COL25A1: variants seen among roughly 807,000 people sequenced by gnomAD.
The protein encoded by COL25A1 is collagen alpha-1(XXV) chain.
Under a neutral mutation model 128.4 loss-of-function variants are expected in COL25A1, and 103 were observed. The ratio of observed to expected loss-of-function variants is 0.80; its 90% CI spans 0.68 to 0.94. COL25A1 has a LOEUF of 0.94. Ranked by LOEUF, COL25A1 falls within the 40% of genes least tolerant of loss-of-function variation. The pLI is 0.00. For synonymous variants in COL25A1, 279 were observed against 277.2 expected, an observed-to-expected ratio of 1.01 and a Z score of -0.06; for missense variants, 745 against 840.0, an observed-to-expected ratio of 0.89 and a Z score of 1.40.
chr4:108,869,697 T>C (rs1738464664), intron 19 of COL25A1, among the ~76,000 whole-genome samples: 1 of 152,170 alleles, frequency 6.6e-6, no homozygotes, highest in Non-Finnish European at 1.5e-5. Context: ...AGCTTGACTA[T>C]CCATAAAGTT....
At chr4:109,225,958 T>C (rs2072089090) in intron 3 of COL25A1, among the ~76,000 whole-genome samples, 1 of 151,512 alleles carries the variant, frequency 6.6e-6, no homozygotes, top group South Asian at 2.1e-4. Flanking sequence ...ATGCATACTA[T>C]TGTAATGAAA....
intron 6 of COL25A1, among the ~76,000 whole-genome samples, chr4:108,978,549 T>A (rs1312146011): frequency 2.6e-5 from 4 of 152,064 alleles, no homozygotes; most frequent in East Asian, 3.9e-4. Context: ...AATTTTTTTT[T>A]ATCTTTAGCA....
intron 3 of COL25A1, among the ~76,000 whole-genome samples, chr4:109,065,532 ACGCGCG>A (rs560432083): frequency 7.9e-6 from 1 of 126,524 alleles, no homozygotes; most frequent in African/African-American, 3.0e-5. Context: ...TTGGTGCAGC[ACGCGCG>A]CGCGCGCGTG....
intron 3 of COL25A1, among the ~76,000 whole-genome samples, chr4:109,201,798 A>G (rs1035733880): frequency 3.9e-5 from 6 of 152,228 alleles, no homozygotes; most frequent in Non-Finnish European, 8.8e-5. Flanking sequence ...TGCAGGATAT[A>G]AAGTTAAAAT....
At chr4:109,120,537 G>A (rs1183196636) in intron 3 of COL25A1, among the ~76,000 whole-genome samples, 1 of 152,022 alleles carries the variant, frequency 6.6e-6, no homozygotes, top group Admixed American at 6.6e-5. Flanking sequence ...AGCCAGGTGT[G>A]GTGGCTCATA....
At chr4:108,987,508 G>A (rs763020586) in intron 6 of COL25A1, among the ~76,000 whole-genome samples, 19 of 152,040 alleles carry the variant, frequency 1.2e-4, no homozygotes, top group Non-Finnish European at 2.4e-4. Flanking sequence ...CCGGGTAGCC[G>A]GGATTACAGA....
intron 3 of COL25A1, among the ~76,000 whole-genome samples, chr4:109,222,547 C>A (rs1778502767): frequency 6.6e-6 from 1 of 152,078 alleles, no homozygotes; most frequent in Admixed American, 6.5e-5. Flanking sequence ...TTTTAGTAAT[C>A]AATTTTAATA....
At chr4:108,871,459 GCGCCCGCCACTA>G (rs1179703923) in intron 19 of COL25A1, among the ~76,000 whole-genome samples, 31 of 151,814 alleles carry the variant, frequency 2.0e-4, no homozygotes, top group Non-Finnish European at 4.6e-4. Context: ...GGGACTACAG[GCGCCCGCCACTA>G]CGCCCGGCTA....
At chr4:108,877,982 G>T (rs1739662281) in intron 19 of COL25A1, among the ~76,000 whole-genome samples, 1 of 152,108 alleles carries the variant, frequency 6.6e-6, no homozygotes, top group South Asian at 2.1e-4. Flanking sequence ...ATAATGATGA[G>T]AAGAATCAAC....
chr4:109,159,390 C>T (rs183560773), intron 3 of COL25A1, among the ~76,000 whole-genome samples: 89 of 151,978 alleles, frequency 5.9e-4, no homozygotes, highest in African/African-American at 2.0e-3. Context: ...AAAAAGGTAA[C>T]GTATATGGGC....
intron 3 of COL25A1, among the ~76,000 whole-genome samples, chr4:109,182,975 A>C (rs1041270942): frequency 6.6e-5 from 10 of 152,030 alleles, no homozygotes; most frequent in Middle Eastern, 3.2e-3. Flanking sequence ...CTTTATCAAA[A>C]TCCTTTTTGT....
chr4:109,020,429 A>T (rs1359440275), intron 5 of COL25A1, among the ~76,000 whole-genome samples: 1 of 148,790 alleles, frequency 6.7e-6, no homozygotes, highest in Non-Finnish European at 1.5e-5. Context: ...TAAGTGGTTC[A>T]TCTAAAACCT....
At chr4:109,108,360 T>C (rs1035758933) in intron 3 of COL25A1, among the ~76,000 whole-genome samples, 2 of 152,096 alleles carry the variant, frequency 1.3e-5, no homozygotes, top group African/African-American at 4.8e-5. Flanking sequence ...GGACATGAAC[T>C]CATCATTTTT....
intron 3 of COL25A1, among the ~76,000 whole-genome samples, chr4:109,154,536 G>A (rs1468556157): frequency 6.6e-6 from 1 of 152,206 alleles, no homozygotes; most frequent in South Asian, 2.1e-4. Context: ...TGGTGTGACT[G>A]TTGGGTCAGG....
chr4:109,233,134 G>T (rs528724396), intron 3 of COL25A1, among the ~76,000 whole-genome samples: 38 of 152,190 alleles, frequency 2.5e-4, no homozygotes, highest in African/African-American at 9.1e-4. Flanking sequence ...ACCTGGGGTT[G>T]TTTTTATTTC....
intron 13 of COL25A1, among the ~76,000 whole-genome samples, chr4:108,901,740 C>A (rs1488072291): frequency 6.6e-6 from 1 of 152,032 alleles, no homozygotes; most frequent in Non-Finnish European, 1.5e-5. Flanking sequence ...ATAAAACATT[C>A]AGACTTATGG....
rs748778363 is a variant in COL25A1, at chr4:108,955,134, T to C, written c.493-13697A>G. On this transcript the variant is annotated intron_variant, in intron 8 of 37. Transcript: ENST00000399132. ...TATGTCTGTCATGTCATTATTAAAA[T>C]TGAATTGCTTATTTTCACATAAGGG... Among the ~76,000 whole-genome samples, 4 of 152,194 alleles carry C rather than the reference T, an allele frequency of 2.6e-5. No homozygotes were observed. In the East Asian group the frequency reaches 5.8e-4, roughly 22 times the overall value.
chr4:109,204,412 C>T (rs565163848), intron 3 of COL25A1, among the ~76,000 whole-genome samples: 7 of 152,120 alleles, frequency 4.6e-5, no homozygotes, highest in Admixed American at 3.3e-4. Context: ...AGCTCTTTTC[C>T]GCCCATGTCT....
chr4:108,984,657 G>A (rs561632091), intron 6 of COL25A1, among the ~76,000 whole-genome samples: 6 of 152,318 alleles, frequency 3.9e-5, no homozygotes, highest in African/African-American at 1.2e-4. Flanking sequence ...TGCGGGGTTC[G>A]CTGAGCCCAC....
Sources: allele counts gnomAD v4.1 joint callset (sites outside exome capture counted in the v4.1 genomes callset), GRCh38; gene constraint gnomAD v4.1.1; transcripts MANE v1.5; gene names NCBI Gene and HGNC (gene_info 2026-07-23, HGNC 2026-07-21).